Variants in TCIRG1 observed in about 807,000 individuals in gnomAD.
TCIRG1 encodes V-type proton ATPase 116 kDa subunit a 3.
TCIRG1 carries 86 observed loss-of-function variants against 95.5 expected under a neutral mutation model. The observed-to-expected ratio is 0.90, with a 90% CI of 0.76 to 1.08. The LOEUF (loss-of-function observed/expected upper bound fraction) is 1.08, where lower values mean the gene tolerates loss of function less well. TCIRG1 is among the 50% of genes least tolerant of loss of function. The probability of loss-of-function intolerance (pLI) is 0.00; values close to 1 mark genes in which losing one functional copy is unlikely to be tolerated. For synonymous variants in TCIRG1, 499 were observed against 501.3 expected (o/e 1.00, Z 0.06); for missense variants, 1,069 against 1,140.2 (o/e 0.94, Z 0.90).
At chr11:68,044,047 G>A (rs1855333397) in intron 8 of TCIRG1, 85 bp from the exon 9 acceptor site, 1 of 1,384,676 alleles carries the variant, frequency 7.2e-7, no homozygotes, top group Non-Finnish European at 9.9e-7. Context: ...CTGGCCTCCA[G>A]GAGGTGGGTG....
At position 68,043,459 on chromosome 11, in the gene TCIRG1, T is replaced by C. The variant is rs1342775041; in HGVS notation, c.592T>C (p.Phe198Leu). 12 of 1,554,100 alleles carry C rather than the reference T, an allele frequency of 7.7e-6. No individual in the cohort carries two copies. Among genetic ancestry groups the C allele is most frequent in the Non-Finnish European group, 1.0e-5 (12 of 1,149,490 alleles). Reference protein sequence around the residue: ...RACRGFLIASFRELEQPLEHP... With the variant: ...RACRGFLIASLRELEQPLEHP... ...CTGCCGCGGCTTCCTCATTGCCAGC[T>C]TCAGGGAGCTGGAGCAGCCGCTGGA... The change falls in exon 6 of 20, where the codon TTC becomes CTC. Residue 198 changes from phenylalanine to leucine, a missense_variant. Transcript: ENST00000265686.
At position 68,047,709 on chromosome 11, in the gene TCIRG1, C is replaced by T; in HGVS notation, c.1368C>T (p.Tyr456=). 1.2e-6 allele frequency: 2 copies of T among 1,613,572 alleles called. No homozygotes were observed. Among genetic ancestry groups the T allele is most frequent in the South Asian group, 2.2e-5 (2 of 91,088 alleles). Residue 456 remains tyrosine, a synonymous_variant, in exon 12 of 20, where the codon TAC becomes TAT. Coordinates refer to ENST00000265686, the MANE Select transcript of TCIRG1 (RefSeq NM_006019.4). ...LLLLMGLFSI[Y]TGFIYNECFS... is the part of the protein sequence containing the mutation. ...TGCTTATGGGCCTGTTCTCCATCTA[C>T]ACCGGCTTCATCTACAACGAGTGCT... is the stretch of plus-strand genomic sequence containing the variant.
At chr11:68,042,513 C>G (rs187593378) in intron 3 of TCIRG1, 130 bp from the exon 4 acceptor site, 1 of 747,940 alleles carries the variant, frequency 1.3e-6, no homozygotes, top group Non-Finnish European at 2.2e-6. Flanking sequence ...AAAGTTTGGC[C>G]GGGATTTTCT....
chr11:68,048,459 A>G (rs1855620267), intron 13 of TCIRG1: 2 of 338,990 alleles, frequency 5.9e-6, no homozygotes, highest in South Asian at 4.8e-5. Context: ...ATGCCTGGCT[A>G]ATTTCTGTAT....
chr11:68,040,848 G>T (rs1855125585), intron 1 of TCIRG1, among the ~76,000 whole-genome samples: 1 of 152,172 alleles, frequency 6.6e-6, no homozygotes, highest in Non-Finnish European at 1.5e-5. Flanking sequence ...AGCTCCACAG[G>T]GAGCAGCGAG....
intron 1 of TCIRG1, 24 bp from the exon 2 acceptor site, chr11:68,041,244 G>GC: frequency 3.9e-6 from 6 of 1,521,142 alleles, no homozygotes; most frequent in Non-Finnish European, 4.6e-6. Context: ...CCCCTGACTG[G>GC]CCCCCATCCG....
chr11:68,047,003 G>A, intron 10 of TCIRG1: 1 of 304,126 alleles, frequency 3.3e-6, no homozygotes, highest in Non-Finnish European at 5.9e-6. Flanking sequence ...TAAGTGGTGG[G>A]TTCTTTTTTT....
chr11:68,043,728 G>T (rs1036978458), intron 7 of TCIRG1, 75 bp downstream of exon 7: 4 of 1,539,594 alleles, frequency 2.6e-6, no homozygotes, highest in South Asian at 2.4e-5. Context: ...CCGCCCTATC[G>T]TGACTCCTCC....
intron 15 of TCIRG1, 165 bp downstream of exon 15, chr11:68,049,459 C>T: frequency 2.0e-6 from 2 of 985,822 alleles, no homozygotes; most frequent in South Asian, 3.1e-5. Context: ...TAGCAGGTGG[C>T]ACAACTGGCA....
chr11:68,049,637 CCTGA>C (rs1855691271), intron 15 of TCIRG1, 22 bp from the exon 16 acceptor site: 4 of 1,596,558 alleles, frequency 2.5e-6, no homozygotes, highest in Non-Finnish European at 3.4e-6. Flanking sequence ...GCAGGGACGC[CCTGA>C]CTCTCGCCCT....
chr11:68,040,688 T>C (rs1460567622), intron 1 of TCIRG1, among the ~76,000 whole-genome samples: 1 of 152,218 alleles, frequency 6.6e-6, no homozygotes, highest in Non-Finnish European at 1.5e-5. Flanking sequence ...CGCCATTCTG[T>C]AGTTTCACTT....
intron 10 of TCIRG1, 98 bp downstream of exon 10, chr11:68,045,200 G>C (rs1335209182): frequency 6.1e-6 from 9 of 1,485,666 alleles, no homozygotes; most frequent in Non-Finnish European, 8.3e-6. Context: ...CCTGGGCCTG[G>C]CCTGCCCTCC....
chr11:68,044,743 A>G (rs1855384782), intron 9 of TCIRG1: 1 of 642,476 alleles, frequency 1.6e-6, no homozygotes, highest in Non-Finnish European at 2.7e-6. Flanking sequence ...AGGAGGCAGC[A>G]TGCTTGCCTT....
At chr11:68,042,530 C>T (rs1023832845) in intron 3 of TCIRG1, 113 bp from the exon 4 acceptor site, 1 of 889,994 alleles carries the variant, frequency 1.1e-6, no homozygotes, top group Non-Finnish European at 1.8e-6. Flanking sequence ...TTCTGGCCAC[C>T]TCCACCTGGT....
At chr11:68,048,813 CG>C in intron 13 of TCIRG1, 65 bp from the exon 14 acceptor site, 1 of 1,169,402 alleles carries the variant, frequency 8.6e-7, no homozygotes, top group Non-Finnish European at 1.3e-6. Context: ...TGACTCGGGC[CG>C]GGGACTTCCT....
At position 68,047,714 on chromosome 11, in the gene TCIRG1, G is replaced by A; in HGVS notation, c.1373G>A (p.Gly458Asp). The A allele has an allele frequency of 1.2e-6, 2 of 1,613,426 alleles. No individual in the cohort carries two copies. Among genetic ancestry groups the A allele is most frequent in the East Asian group, 2.2e-5 (1 of 44,876 alleles). Residue 458 changes from glycine to aspartate, a missense_variant, in exon 12 of 20, where the codon GGC becomes GAC. By Grantham distance (94) the Gly-to-Asp change is moderately conservative (BLOSUM62 -1). Transcript: ENST00000265686. ...LLMGLFSIYT[G>D]FIYNECFSRA... is the part of the protein sequence containing the mutation. The stretch of plus-strand genomic sequence containing the variant: ...ATGGGCCTGTTCTCCATCTACACCG[G>A]CTTCATCTACAACGAGTGCTTCAGT...
chr11:68,046,751 C>G (rs553902880), intron 10 of TCIRG1, among the ~76,000 whole-genome samples: 2 of 152,340 alleles, frequency 1.3e-5, no homozygotes, highest in Admixed American at 1.3e-4. Context: ...AAGTGACCAG[C>G]TCGGCCTCCC....
chr11:68,051,757 A>G (rs1855805232), downstream of TCIRG1, among the ~76,000 whole-genome samples: 1 of 152,216 alleles, frequency 6.6e-6, no homozygotes, highest in East Asian at 1.9e-4. Flanking sequence ...AGAAGGCTAA[A>G]TGAAGGACTC....
At position 68,044,921 on chromosome 11, in the gene TCIRG1, C is replaced by T. The variant is rs371141783; in HGVS notation, c.1021-37C>T. On this transcript the variant is annotated intron_variant, in intron 9 of 19. Transcript: ENST00000265686. ...AGATCCCAGGGTCCCTGAAGGCCCCCGCCACCGTTCTGGTCTGTCTCTGCC... is the reference window on the plus strand; with the variant it reads ...AGATCCCAGGGTCCCTGAAGGCCCCTGCCACCGTTCTGGTCTGTCTCTGCC... 32 of 1,603,176 alleles carry T rather than the reference C, an allele frequency of 2.0e-5. No individual in the cohort carries two copies. In the African/African-American group the frequency reaches 2.3e-4, roughly 11 times the overall value.
Sources: gnomAD v4.1 joint callset for allele counts (sites outside exome capture counted in the v4.1 genomes callset) on GRCh38, gnomAD v4.1.1 for gene constraint, MANE v1.5 for transcripts, NCBI Gene and HGNC (gene_info 2026-07-23, HGNC 2026-07-21) for gene names.